The following ARHGEF28 variants were observed in gnomAD, a reference collection of about 807,000 sequenced individuals.
The protein encoded by ARHGEF28 is 190 kDa guanine nucleotide exchange factor.
ARHGEF28 carries 152 observed loss-of-function variants against 206.6 expected under a neutral mutation model. The observed-to-expected ratio is 0.74, with a 90% CI of 0.64 to 0.84. The LOEUF is 0.84. ARHGEF28 is among the 40% of genes least tolerant of loss of function. The pLI, the probability that ARHGEF28 is intolerant of heterozygous loss-of-function variation, is 0.00. For missense variants in ARHGEF28, 2,028 were observed against 2,073.2 expected, an observed-to-expected ratio of 0.98 and a Z score of 0.42; for synonymous variants, 763 against 776.4, an observed-to-expected ratio of 0.98 and a Z score of 0.29.
At chr5:73,801,599 G>A (rs906704854) in intron 9 of ARHGEF28, among the ~76,000 whole-genome samples, 1 of 152,034 alleles carries the variant, frequency 6.6e-6, no homozygotes. Context: ...AGAATGTTTC[G>A]TGAAACATGG....
intron 1 of ARHGEF28, among the ~76,000 whole-genome samples, chr5:73,658,989 A>ACACACG (rs1554051357): frequency 6.6e-6 from 1 of 150,656 alleles, no homozygotes; most frequent in Non-Finnish European, 1.5e-5. Context: ...ACACACACAC[A>ACACACG]CACACACACA....
In ARHGEF28 at chr5:73,904,244, G is replaced by A; in HGVS notation, c.4097G>A (p.Gly1366Asp). The change falls in exon 32 of 36, where the codon GGT becomes GAT. Residue 1366 changes from glycine to aspartate, a missense_variant. Transcript: ENST00000513042. Reference protein sequence around the residue: ...GEKVECRNFPGSSQSEIIQAI... With the variant: ...GEKVECRNFPDSSQSEIIQAI... ...TAGGTGGAATGTAGAAATTTTCCAG[G>A]TTCTTCACAATCAGAGGTGAGCTGC... The A allele has an allele frequency of 1.2e-6, 2 of 1,613,838 alleles. No homozygotes were observed. Among genetic ancestry groups the A allele is most frequent in the Non-Finnish European group, 1.7e-6 (2 of 1,179,804 alleles).
intron 22 of ARHGEF28, among the ~76,000 whole-genome samples, chr5:73,881,972 T>TCCC (rs1760981142): frequency 6.6e-6 from 1 of 152,096 alleles, no homozygotes; most frequent in Admixed American, 6.6e-5. Flanking sequence ...AAAATCAAAT[T>TCCC]CCCTACTAAG....
rs979634688 is a variant in ARHGEF28, at chr5:73,746,156, A to T, written c.34-3681A>T. Among the ~76,000 whole-genome samples, 6 of 152,132 alleles carry T rather than the reference A, an allele frequency of 3.9e-5. No homozygotes were observed. In the East Asian group the frequency reaches 1.2e-3, roughly 29 times the overall value. On this transcript the variant is annotated intron_variant, in intron 2 of 35. Coordinates refer to ENST00000513042, the MANE Select transcript of ARHGEF28 (RefSeq NM_001177693.2). ...TTTGGCAATTTGTGACAACTTGTTC[A>T]TATTTTTGGAAGCATTTCTAGAATT...
At chr5:73,687,034 G>A (rs1210243017) in intron 2 of ARHGEF28, among the ~76,000 whole-genome samples, 1 of 151,946 alleles carries the variant, frequency 6.6e-6, no homozygotes, top group African/African-American at 2.4e-5. Context: ...GTGCTTCCTG[G>A]CAGATGTCAT....
intron 2 of ARHGEF28, among the ~76,000 whole-genome samples, chr5:73,688,434 A>C (rs1747603452): frequency 6.6e-6 from 1 of 152,192 alleles, no homozygotes; most frequent in African/African-American, 2.4e-5. Context: ...ACTTTAGAGA[A>C]TCTTTCCTGA....
intron 33 of ARHGEF28, chr5:73,904,761 A>G (rs1160645985): frequency 4.0e-6 from 1 of 249,800 alleles, no homozygotes; most frequent in African/African-American, 2.3e-5. Context: ...TGACTTCTCC[A>G]TGTGGCCATC....
At chr5:73,814,523 A>G (rs1756057832) in intron 9 of ARHGEF28, among the ~76,000 whole-genome samples, 1 of 152,242 alleles carries the variant, frequency 6.6e-6, no homozygotes, top group South Asian at 2.1e-4. Flanking sequence ...TAAAAAAATA[A>G]GATAGTGTGT....
intron 16 of ARHGEF28, among the ~76,000 whole-genome samples, chr5:73,858,573 T>A (rs1481720602): frequency 6.6e-6 from 1 of 152,216 alleles, no homozygotes; most frequent in Non-Finnish European, 1.5e-5. Flanking sequence ...TACATCTTTA[T>A]ACCTCCCATT....
At chr5:73,679,046 G>C (rs1746895492) in intron 1 of ARHGEF28, among the ~76,000 whole-genome samples, 1 of 152,158 alleles carries the variant, frequency 6.6e-6, no homozygotes. Context: ...GCACCACCGT[G>C]CCCGGTTAAT....
At chr5:73,745,708 G>A (rs753841854) in intron 2 of ARHGEF28, among the ~76,000 whole-genome samples, 4 of 151,970 alleles carry the variant, frequency 2.6e-5, no homozygotes, top group Non-Finnish European at 5.9e-5. Context: ...GTACTGATGA[G>A]TATTTTTTAT....
intron 2 of ARHGEF28, among the ~76,000 whole-genome samples, chr5:73,744,137 A>T (rs1015274033): frequency 6.6e-6 from 1 of 152,202 alleles, no homozygotes; most frequent in Non-Finnish European, 1.5e-5. Context: ...GATAATATGT[A>T]TAAGTAGTTA....
At chr5:73,784,475 A>T (rs931123223) in intron 7 of ARHGEF28, among the ~76,000 whole-genome samples, 1 of 152,208 alleles carries the variant, frequency 6.6e-6, no homozygotes, top group Non-Finnish European at 1.5e-5. Flanking sequence ...TAAGCTAATT[A>T]TTAGTATTAA....
intron 1 of ARHGEF28, among the ~76,000 whole-genome samples, chr5:73,651,729 A>G (rs1580442468): frequency 2.0e-5 from 3 of 152,308 alleles, no homozygotes; most frequent in East Asian, 3.9e-4. Context: ...TATATATACA[A>G]TTATCTGTTT....
At chr5:73,716,309 G>A (rs1267921034) in intron 2 of ARHGEF28, among the ~76,000 whole-genome samples, 1 of 152,190 alleles carries the variant, frequency 6.6e-6, no homozygotes, top group Non-Finnish European at 1.5e-5. Flanking sequence ...GGTTTGGAAT[G>A]TTGAGGGCCT....
At chr5:73,841,624 G>C (rs1373177813) in intron 11 of ARHGEF28, among the ~76,000 whole-genome samples, 4 of 150,630 alleles carry the variant, frequency 2.7e-5, no homozygotes, top group African/African-American at 9.8e-5. Flanking sequence ...AGGATCGCTT[G>C]AACCTGGGAG....
intron 2 of ARHGEF28, among the ~76,000 whole-genome samples, chr5:73,726,477 A>T (rs1474588869): frequency 6.6e-6 from 1 of 152,248 alleles, no homozygotes; most frequent in African/African-American, 2.4e-5. Context: ...AGAATCTAAA[A>T]TATGCTATCC....
At chr5:73,660,346 T>A (rs1366585388) in intron 1 of ARHGEF28, among the ~76,000 whole-genome samples, 1 of 152,184 alleles carries the variant, frequency 6.6e-6, no homozygotes, top group Non-Finnish European at 1.5e-5. Flanking sequence ...TCTAATTCTC[T>A]TGCTGTTTCC....
intron 9 of ARHGEF28, among the ~76,000 whole-genome samples, chr5:73,806,386 A>AT (rs1463214793): frequency 7.8e-6 from 1 of 128,284 alleles, no homozygotes; most frequent in African/African-American, 3.0e-5. Context: ...ATATAGATAT[A>AT]TAGATATATA....
Sources: allele counts gnomAD v4.1 joint callset (sites outside exome capture counted in the v4.1 genomes callset), GRCh38; gene constraint gnomAD v4.1.1; transcripts MANE v1.5; gene names NCBI Gene and HGNC (gene_info 2026-07-23, HGNC 2026-07-21).